The following SHPRH variants were observed in gnomAD, a reference collection of about 807,000 sequenced individuals.
The protein encoded by SHPRH is SNF2 histone linker PHD RING helicase.
In SHPRH, 106 loss-of-function variants were observed where a neutral mutation model predicts 202.5. The ratio of observed to expected loss-of-function variants is 0.52; its 90% CI spans 0.45 to 0.62. The LOEUF (loss-of-function observed/expected upper bound fraction) is 0.62, where lower values mean the gene tolerates loss of function less well. Among genes scored for constraint, SHPRH ranks in the 20% least tolerant of loss-of-function variants. SHPRH has a pLI of 0.00. For synonymous variants in SHPRH, 729 were observed against 686.0 expected (o/e 1.06, Z -0.98); for missense variants, 1,710 against 2,020.0 (o/e 0.85, Z 2.94).
intron 25 of SHPRH, among the ~76,000 whole-genome samples, chr6:145,902,049 C>A (rs1197458360): frequency 6.6e-6 from 1 of 152,078 alleles, no homozygotes; most frequent in African/African-American, 2.4e-5. Context: ...AGGCTGTTAT[C>A]TCTCCTGGTT....
intron 11 of SHPRH, 23 bp downstream of exon 11, chr6:145,940,700 T>C (rs369220050): frequency 6.2e-7 from 1 of 1,609,616 alleles, no homozygotes; most frequent in African/African-American, 1.3e-5. Context: ...ATGCATGCAA[T>C]ATGTGAGGAA....
chr6:145,899,171 AACAG>A (rs1782276718), intron 25 of SHPRH, among the ~76,000 whole-genome samples: 2 of 152,142 alleles, frequency 1.3e-5, no homozygotes, highest in Non-Finnish European at 2.9e-5. Context: ...GGCAACATAA[AACAG>A]ACAAAGAAAA....
At position 145,952,387 on chromosome 6, in the gene SHPRH, T is replaced by C. The variant is rs1788068559; in HGVS notation, c.725A>G (p.Lys242Arg). The C allele has an allele frequency of 1.2e-6, 2 of 1,610,260 alleles. No homozygotes were observed. Among genetic ancestry groups the C allele is most frequent in the East Asian group, 2.2e-5 (1 of 44,710 alleles). ...ATTGTGTAACTTTTCCATTACTTTC[T>C]TCATGAGCTGATTGAACTTTTTCAT... The part of the protein sequence containing the change: ...SRMKKFNQLM[K>R]KVMEKLHNSI... Residue 242 changes from lysine (K) to arginine (R), a missense_variant, in exon 3 of 30, where the codon AAG becomes AGG. Around this residue, in one of 8 missense-constraint regions of SHPRH, gnomAD observed 459 missense variants for 426.5 expected, o/e 1.08. Coordinates refer to ENST00000275233, the MANE Select transcript of SHPRH (RefSeq NM_001042683.3).
chr6:145,888,654 G>A (rs950041254), intron 28 of SHPRH, among the ~76,000 whole-genome samples: 3 of 152,150 alleles, frequency 2.0e-5, no homozygotes. Context: ...CCCTTGGTGG[G>A]TTTGTATGCA....
chr6:145,894,254 A>G lies in SHPRH; in HGVS notation c.4609-18T>C, dbSNP rs1781811968. On this transcript the variant is annotated intron_variant, in intron 26 of 29. Transcript: ENST00000275233. ...TCTTGCCACTAGAACACATAAAACA[A>G]TAAGAAAACCAATATTTACACGTAG... The G allele has an allele frequency of 2.6e-6, 4 of 1,554,952 alleles. No homozygotes were observed. Among genetic ancestry groups the G allele is most frequent in the Non-Finnish European group, 3.5e-6 (4 of 1,147,328 alleles).
chr6:145,963,345 G>T (rs1789299672), intron 1 of SHPRH, among the ~76,000 whole-genome samples: 1 of 152,030 alleles, frequency 6.6e-6, no homozygotes, highest in Non-Finnish European at 1.5e-5. Context: ...TTCAGAAAAA[G>T]CCCCAAGTTC....
intron 3 of SHPRH, among the ~76,000 whole-genome samples, chr6:145,952,121 G>C (rs1470577493): frequency 6.6e-6 from 1 of 152,042 alleles, no homozygotes; most frequent in African/African-American, 2.4e-5. Flanking sequence ...CTTGCATATT[G>C]ACTCCGCAAA....
chr6:145,863,673 C>A (rs920592091), downstream of SHPRH, among the ~76,000 whole-genome samples: 8 of 152,030 alleles, frequency 5.3e-5, no homozygotes, highest in African/African-American at 1.7e-4. Flanking sequence ...TAATAAAGGA[C>A]AAATTTTTGC....
chr6:145,918,726 A>G (rs1235018328), intron 22 of SHPRH: 1 of 152,796 alleles, frequency 6.5e-6, no homozygotes, highest in Non-Finnish European at 1.5e-5. Context: ...TTTAAGTGAG[A>G]TAGTATATAA....
At chr6:145,864,907 T>G in intron 2 of SHPRH, among the ~76,000 whole-genome samples, 1 of 151,148 alleles carries the variant, frequency 6.6e-6, no homozygotes, top group South Asian at 2.1e-4. Flanking sequence ...GCCTAGTAAT[T>G]TGAAACTATC....
chr6:145,893,506 C>A, intron 27 of SHPRH, 113 bp from the exon 28 acceptor site: 2 of 1,002,184 alleles, frequency 2.0e-6, no homozygotes, highest in South Asian at 2.7e-5. Flanking sequence ...TGAAAGGTAA[C>A]AGCTAAGAAA....
rs142148013 is a variant in SHPRH, at chr6:145,910,214, G to A, written c.4515+234C>T. ...TGTAATTTTAAGATGTTACATTTTA[G>A]TCACAGTGTACATGACTATCGCTAA... On this transcript the variant is annotated intron_variant, in intron 25 of 29. Coordinates refer to ENST00000275233, the MANE Select transcript of SHPRH (RefSeq NM_001042683.3). 10 of 414,490 alleles carry A rather than the reference G, an allele frequency of 2.4e-5. No homozygotes were observed. In the Admixed American group the frequency reaches 3.7e-4, roughly 15 times the overall value. The allele number at this position is 414,490 out of a possible 1,614,324, so 25.7% of individuals were successfully genotyped here. A position where few individuals can be genotyped will look rare whatever the true frequency, so the allele number is the denominator to read the frequency against.
chr6:145,915,575 G>GT (rs1246723908), intron 23 of SHPRH, among the ~76,000 whole-genome samples: 8 of 151,888 alleles, frequency 5.3e-5, no homozygotes, highest in Admixed American at 1.3e-4. Context: ...TAGGTTGGCT[G>GT]TTTTTTTCTT....
intron 24 of SHPRH, among the ~76,000 whole-genome samples, chr6:145,912,595 A>G (rs867861596): frequency 1.3e-5 from 2 of 152,110 alleles, no homozygotes; most frequent in Non-Finnish European, 2.9e-5. Context: ...GTACAGTACT[A>G]TTTTGCTCAG....
intron 25 of SHPRH, among the ~76,000 whole-genome samples, chr6:145,901,971 A>C (rs1344142984): frequency 6.6e-6 from 1 of 152,072 alleles, no homozygotes; most frequent in Non-Finnish European, 1.5e-5. Context: ...TCTCTAAGGC[A>C]CTAATTCTCT....
intron 25 of SHPRH, among the ~76,000 whole-genome samples, chr6:145,900,011 GT>G (rs1782355924): frequency 6.6e-6 from 1 of 152,112 alleles, no homozygotes. Flanking sequence ...ATAAGTATTG[GT>G]GAGAAGGTGG....
intron 24 of SHPRH, among the ~76,000 whole-genome samples, chr6:145,912,751 T>C (rs1405938054): frequency 6.6e-6 from 1 of 152,274 alleles, no homozygotes; most frequent in Non-Finnish European, 1.5e-5. Context: ...TATTTACCTT[T>C]CAACTCTCAG....
intron 23 of SHPRH, 116 bp from the exon 24 acceptor site, chr6:145,913,665 A>C: frequency 1.4e-6 from 1 of 712,130 alleles, no homozygotes; most frequent in Non-Finnish European, 2.2e-6. Flanking sequence ...TACATAATCT[A>C]ACAATTTAGA....
intron 25 of SHPRH, among the ~76,000 whole-genome samples, chr6:145,900,873 TTGAG>T (rs1415600983): frequency 6.6e-5 from 10 of 152,268 alleles, no homozygotes; most frequent in East Asian, 1.9e-4. Context: ...TGGGTTTTTC[TTGAG>T]TATTTTTTAT....
Sources: allele counts gnomAD v4.1 joint callset (sites outside exome capture counted in the v4.1 genomes callset), GRCh38; gene constraint gnomAD v4.1.1; regional missense constraint gnomAD v4.1.1; transcripts MANE v1.5; gene names NCBI Gene and HGNC (gene_info 2026-07-23, HGNC 2026-07-21).